The following SMURF1 variants were observed in gnomAD, a reference collection of about 807,000 sequenced individuals.
SMURF1 encodes SMAD specific E3 ubiquitin protein ligase 1.
In SMURF1, 44 loss-of-function variants were observed where a neutral mutation model predicts 98.0. The ratio of observed to expected loss-of-function variants is 0.45; its 90% CI spans 0.35 to 0.58. The LOEUF (loss-of-function observed/expected upper bound fraction) is 0.58. Among genes scored for constraint, SMURF1 ranks in the 20% least tolerant of loss-of-function variants. The pLI, the probability that SMURF1 is intolerant of heterozygous loss-of-function variation, is 0.00. For missense variants in SMURF1, 687 were observed against 938.4 expected (o/e 0.73, Z 3.50); for synonymous variants, 396 against 374.9 (o/e 1.06, Z -0.65).
At chr7:99,084,986 G>A (rs993090825) in intron 1 of SMURF1, among the ~76,000 whole-genome samples, 7 of 152,116 alleles carry the variant, frequency 4.6e-5, no homozygotes, top group Middle Eastern at 3.4e-3. Flanking sequence ...CATCCTCCTC[G>A]TTCTCTCTCT....
chr7:99,068,523 C>G (rs901448880), intron 1 of SMURF1, among the ~76,000 whole-genome samples: 3 of 152,188 alleles, frequency 2.0e-5, no homozygotes, highest in African/African-American at 7.2e-5. Context: ...CTGCTCCAAA[C>G]ACCTGGCCTC....
At chr7:99,113,595 C>T (rs1797370183) in intron 1 of SMURF1, among the ~76,000 whole-genome samples, 1 of 152,028 alleles carries the variant, frequency 6.6e-6, no homozygotes, top group Non-Finnish European at 1.5e-5. Context: ...AATCCCAGCA[C>T]TTTGGGAGTC....
intron 1 of SMURF1, among the ~76,000 whole-genome samples, chr7:99,113,956 G>C (rs1797384766): frequency 6.6e-6 from 1 of 151,476 alleles, no homozygotes; most frequent in Admixed American, 6.6e-5. Context: ...GTTATTTTTG[G>C]CTTGTAACTC....
At chr7:99,142,080 A>G (rs1798131235) in intron 1 of SMURF1, among the ~76,000 whole-genome samples, 1 of 152,228 alleles carries the variant, frequency 6.6e-6, no homozygotes, top group Non-Finnish European at 1.5e-5. Context: ...GAAGACGAGG[A>G]TGCAGCCTGG....
In SMURF1 at chr7:99,040,562, G is replaced by A. The variant is rs767967117; in HGVS notation, c.1372-6C>T. The stretch of plus-strand genomic sequence containing the variant: ...TGGAAATAAGACAAGTGGTCCTGTA[G>A]GGGGCACCAGAGAACACGAATTTGT... On this transcript the variant is annotated splice_polypyrimidine_tract_variant and splice_region_variant and intron_variant, in intron 12 of 17. Transcript: ENST00000361368. 2 of 1,429,354 alleles carry A rather than the reference G, an allele frequency of 1.4e-6. No homozygotes were observed. Among genetic ancestry groups the A allele is most frequent in the Non-Finnish European group, 1.8e-6 (2 of 1,084,750 alleles). The allele number at this position is 1,429,354 out of a possible 1,614,324, so 88.5% of individuals were successfully genotyped here. A position where few individuals can be genotyped will look rare whatever the true frequency, so the allele number is the denominator to read the frequency against.
chr7:99,077,282 CT>C (rs1470720554), intron 1 of SMURF1, among the ~76,000 whole-genome samples: 1 of 151,362 alleles, frequency 6.6e-6, no homozygotes, highest in African/African-American at 2.4e-5. Context: ...AAGGATTAAA[CT>C]GACAGTAGCT....
chr7:99,070,864 C>T (rs1196183097), intron 1 of SMURF1, among the ~76,000 whole-genome samples: 1 of 152,100 alleles, frequency 6.6e-6, no homozygotes, highest in East Asian at 1.9e-4. Flanking sequence ...ATGTGTCTGA[C>T]TCCTATGCCA....
At chr7:99,125,142 C>T (rs937007317) in intron 1 of SMURF1, among the ~76,000 whole-genome samples, 4 of 152,144 alleles carry the variant, frequency 2.6e-5, no homozygotes, top group African/African-American at 9.7e-5. Context: ...TCAGAAGCAC[C>T]ATCATGGCTC....
At chr7:99,035,765 G>C (rs1297887018) in intron 15 of SMURF1, 49 bp from the exon 16 acceptor site, 1 of 1,568,114 alleles carries the variant, frequency 6.4e-7, no homozygotes. Flanking sequence ...ATAAACCCAC[G>C]TCAGGATGCG....
At chr7:99,052,491 G>A (rs1795783310) in intron 6 of SMURF1, 45 bp from the exon 7 acceptor site, 15 of 1,474,878 alleles carry the variant, frequency 1.0e-5, no homozygotes, top group Non-Finnish European at 1.2e-5. Flanking sequence ...CCATGGAGGA[G>A]TCACAAGACC....
chr7:99,035,669 C>G lies in SMURF1; in HGVS notation c.1857G>C (p.Ser619=), dbSNP rs371720266. 1 of 1,614,182 alleles carries G rather than the reference C, an allele frequency of 6.2e-7. No homozygotes were observed. The highest frequency in any genetic ancestry group is 1.1e-5 in the South Asian group (1 of 91,076). The stretch of plus-strand genomic sequence containing the variant: ...CCACACAGTGCTTCAGCCGCGTGTT[C>G]GACTTCCAGTCGTTCAAGTCTATTT... ...LDKIDLNDWK[S]NTRLKHCVAD... is the part of the protein sequence containing the mutation. The change falls in exon 16 of 18, where the codon TCG becomes TCC. Residue 619 remains serine (S), a synonymous_variant. Coordinates refer to ENST00000361368, the MANE Select transcript of SMURF1 (RefSeq NM_181349.3).
At chr7:99,051,109 G>T in intron 8 of SMURF1, 1 of 968,244 alleles carries the variant, frequency 1.0e-6, no homozygotes, top group Non-Finnish European at 1.6e-6. Context: ...ATAAGGAATT[G>T]CTGTGTAACC....
At chr7:99,050,764 T>G (rs911624966) in intron 8 of SMURF1, 2 of 613,996 alleles carry the variant, frequency 3.3e-6, no homozygotes, top group Non-Finnish European at 5.6e-6. Flanking sequence ...GACAGGAAGT[T>G]TATTCTCAGA....
chr7:99,071,778 C>T (rs1257349636), intron 1 of SMURF1, among the ~76,000 whole-genome samples: 1 of 152,088 alleles, frequency 6.6e-6, no homozygotes, highest in African/African-American at 2.4e-5. Context: ...TGTTTTACAG[C>T]GGAACAAGGG....
chr7:99,077,867 C>A (rs149746535), intron 1 of SMURF1, among the ~76,000 whole-genome samples: 1 of 152,164 alleles, frequency 6.6e-6, no homozygotes, highest in African/African-American at 2.4e-5. Flanking sequence ...TTTGAAGACT[C>A]AGGGTAAAAT....
At chr7:99,051,910 G>T (rs556908376) in intron 7 of SMURF1, among the ~76,000 whole-genome samples, 1 of 152,198 alleles carries the variant, frequency 6.6e-6, no homozygotes, top group Non-Finnish European at 1.5e-5. Context: ...GCACTTGGGC[G>T]GCTGAGGCAG....
intron 1 of SMURF1, among the ~76,000 whole-genome samples, chr7:99,126,974 C>CAG (rs77431146): frequency 3.3e-5 from 5 of 152,324 alleles, no homozygotes; most frequent in African/African-American, 1.2e-4. Context: ...GAGCAGGGGC[C>CAG]GGGGGGAAGG....
At position 99,045,368 on chromosome 7, in the gene SMURF1, T is replaced by A. The variant is rs539236595; in HGVS notation, c.1256+330A>T. ...CTCTACAGAGGAGAGCAAGGCTGCCTCCTGTGTTAAATTTCAGGAGCATGC... is the reference window on the plus strand; with the variant it reads ...CTCTACAGAGGAGAGCAAGGCTGCCACCTGTGTTAAATTTCAGGAGCATGC... On this transcript the variant is annotated intron_variant, in intron 11 of 17. Coordinates refer to ENST00000361368, the MANE Select transcript of SMURF1 (RefSeq NM_181349.3). 2.4e-3 allele frequency among the ~76,000 whole-genome samples: 364 copies of A among 152,344 alleles called. 1 individual carries two copies. The highest frequency in any genetic ancestry group is 8.3e-3 in the African/African-American group (347 of 41,582).
At chr7:99,111,792 T>G (rs138128884) in intron 1 of SMURF1, among the ~76,000 whole-genome samples, 254 of 152,314 alleles carry the variant, frequency 1.7e-3, no homozygotes, top group Admixed American at 3.7e-3. Flanking sequence ...AGAACATATC[T>G]TATTCTCAAA....
Sources: gnomAD v4.1 joint callset for allele counts (sites outside exome capture counted in the v4.1 genomes callset) on GRCh38, gnomAD v4.1.1 for gene constraint, MANE v1.5 for transcripts, NCBI Gene and HGNC (gene_info 2026-07-23, HGNC 2026-07-21) for gene names.